AGBL1: variants seen among roughly 807,000 people sequenced by gnomAD.
AGBL1 encodes the protein cytosolic carboxypeptidase 4.
In AGBL1, 130 loss-of-function variants were observed where a neutral mutation model predicts 118.9. The ratio of observed to expected loss-of-function variants is 1.09; its 90% CI spans 0.95 to 1.26. The LOEUF (loss-of-function observed/expected upper bound fraction) is 1.26. AGBL1 is among the 50% of genes most tolerant of loss of function. The probability of loss-of-function intolerance (pLI) is 0.00; values close to 1 mark genes in which losing one functional copy is unlikely to be tolerated. For synonymous variants in AGBL1, 555 were observed against 478.9 expected, an observed-to-expected ratio of 1.16 and a Z score of -2.08; for missense variants, 1,584 against 1,298.1, an observed-to-expected ratio of 1.22 and a Z score of -3.38.
intron 18 of AGBL1, among the ~76,000 whole-genome samples, chr15:86,406,612 C>T (rs951358210): frequency 3.3e-5 from 5 of 152,160 alleles, no homozygotes; most frequent in African/African-American, 1.2e-4. Flanking sequence ...CGTAGAGGCT[C>T]TTCCTGAATC....
At chr15:86,866,665 C>A (rs1567214683) in intron 22 of AGBL1, among the ~76,000 whole-genome samples, 1 of 152,112 alleles carries the variant, frequency 6.6e-6, no homozygotes, top group Non-Finnish European at 1.5e-5. Flanking sequence ...ACCAGCCTGG[C>A]CAACATGGTA....
At chr15:86,518,269 G>C (rs899820925) in intron 18 of AGBL1, among the ~76,000 whole-genome samples, 1 of 151,820 alleles carries the variant, frequency 6.6e-6, no homozygotes, top group African/African-American at 2.4e-5. Context: ...TAAAGCCCGC[G>C]GTTATGTTAC....
intron 24 of AGBL1, among the ~76,000 whole-genome samples, chr15:87,004,665 A>T (rs761755735): frequency 6.6e-6 from 1 of 152,152 alleles, no homozygotes; most frequent in Non-Finnish European, 1.5e-5. Context: ...GTGTCTTTCA[A>T]TTGGAGCATT....
intron 18 of AGBL1, among the ~76,000 whole-genome samples, chr15:86,423,219 A>T (rs543914724): frequency 2.6e-5 from 4 of 152,354 alleles, no homozygotes; most frequent in Admixed American, 2.0e-4. Flanking sequence ...CTAGCAGCAC[A>T]TCAAAAAGCT....
chr15:86,816,022 T>C (rs1435339315), intron 22 of AGBL1, among the ~76,000 whole-genome samples: 1 of 152,150 alleles, frequency 6.6e-6, no homozygotes, highest in Admixed American at 6.6e-5. Context: ...GTGAGTAATT[T>C]GTGTTTTCAG....
intron 22 of AGBL1, among the ~76,000 whole-genome samples, chr15:86,872,183 G>A (rs2079739051): frequency 6.6e-6 from 1 of 152,222 alleles, no homozygotes; most frequent in Non-Finnish European, 1.5e-5. Context: ...GGCTGGGACA[G>A]AAGAGCTTGT....
chr15:86,080,501 C>T (rs561767358), intron 1 of AGBL1, among the ~76,000 whole-genome samples: 2 of 152,258 alleles, frequency 1.3e-5, no homozygotes, highest in Non-Finnish European at 2.9e-5. Context: ...GCCTGGGATG[C>T]CGACTATCAG....
At chr15:86,953,065 G>A (rs1312073582) in intron 23 of AGBL1, among the ~76,000 whole-genome samples, 1 of 152,022 alleles carries the variant, frequency 6.6e-6, no homozygotes, top group East Asian at 1.9e-4. Flanking sequence ...TGCTGTTTTG[G>A]TTACTATAGT....
At chr15:86,135,372 T>C (rs962684612) in intron 1 of AGBL1, among the ~76,000 whole-genome samples, 3 of 152,218 alleles carry the variant, frequency 2.0e-5, no homozygotes, top group African/African-American at 7.2e-5. Flanking sequence ...CTTTATAAAT[T>C]ACCCAATCTC....
chr15:86,273,810 G>A (rs1030813711), intron 15 of AGBL1, among the ~76,000 whole-genome samples: 1 of 152,174 alleles, frequency 6.6e-6, no homozygotes, highest in African/African-American at 2.4e-5. Context: ...GGGGACAACT[G>A]TGAGCCGTGG....
At chr15:86,748,945 G>A (rs1032534539) in intron 22 of AGBL1, among the ~76,000 whole-genome samples, 5 of 151,810 alleles carry the variant, frequency 3.3e-5, no homozygotes, top group African/African-American at 7.3e-5. Flanking sequence ...AGGTAGCATG[G>A]TGCCTCCAGC....
At chr15:86,626,839 T>TC (rs1347527750) in intron 21 of AGBL1, among the ~76,000 whole-genome samples, 1 of 145,856 alleles carries the variant, frequency 6.9e-6, no homozygotes, top group Non-Finnish European at 1.5e-5. Flanking sequence ...TACTTTTCTT[T>TC]TTTTTTTTTT....
At chr15:86,709,655 A>G (rs2086518948) in intron 22 of AGBL1, among the ~76,000 whole-genome samples, 1 of 152,182 alleles carries the variant, frequency 6.6e-6, no homozygotes, top group South Asian at 2.1e-4. Flanking sequence ...TTCACCAATA[A>G]CATCAACAAG....
chr15:86,772,518 G>A (rs924721096), intron 22 of AGBL1, among the ~76,000 whole-genome samples: 1 of 152,018 alleles, frequency 6.6e-6, no homozygotes, highest in South Asian at 2.1e-4. Flanking sequence ...AGAAACATTG[G>A]TAAATCATCT....
At chr15:86,524,388 G>C (rs904240051) in intron 19 of AGBL1, among the ~76,000 whole-genome samples, 13 of 152,122 alleles carry the variant, frequency 8.5e-5, no homozygotes, top group African/African-American at 3.1e-4. Context: ...AATCAGAAAA[G>C]GTAAATGGCA....
chr15:86,906,485 C>A lies in AGBL1; in HGVS notation c.3159-602C>A, dbSNP rs951032146. 4.6e-5 allele frequency among the ~76,000 whole-genome samples: 7 copies of A among 152,288 alleles called. No homozygotes were observed. In the East Asian group the frequency reaches 1.2e-3, roughly 25 times the overall value. ...TACTCTGTCATTTGTTAATTTCAAC[C>A]TGGATTAATTTTCCAGCTACTATAA... On this transcript the variant is annotated intron_variant, in intron 22 of 22. Transcript: ENST00000614907.
intron 23 of AGBL1, among the ~76,000 whole-genome samples, chr15:86,957,596 T>C (rs191506616): frequency 1.1e-3 from 160 of 152,154 alleles, no homozygotes; most frequent in African/African-American, 3.7e-3. Flanking sequence ...CAATTACATA[T>C]AAAACAGAAG....
chr15:87,020,985 A>G (rs959830886), intron 24 of AGBL1, among the ~76,000 whole-genome samples: 3 of 152,094 alleles, frequency 2.0e-5, no homozygotes, highest in Admixed American at 1.3e-4. Context: ...TACAGAATTA[A>G]TTAGAAAAAA....
intron 18 of AGBL1, among the ~76,000 whole-genome samples, chr15:86,404,300 C>T (rs975160979): frequency 3.9e-5 from 6 of 152,302 alleles, no homozygotes; most frequent in South Asian, 2.1e-4. Context: ...CCAGCTTTCT[C>T]TACTAGAGAA....
Sources: gnomAD v4.1 joint callset for allele counts (sites outside exome capture counted in the v4.1 genomes callset) on GRCh38, gnomAD v4.1.1 for gene constraint, MANE v1.5 for transcripts, NCBI Gene and HGNC (gene_info 2026-07-23, HGNC 2026-07-21) for gene names.